Variants in CORIN observed in about 807,000 individuals in gnomAD.
CORIN encodes atrial natriuretic peptide-converting enzyme.
In CORIN, 117 loss-of-function variants were observed where a neutral mutation model predicts 125.3. The ratio of observed to expected loss-of-function variants is 0.93; its 90% CI spans 0.80 to 1.09. The LOEUF is 1.09. CORIN is among the 50% of genes least tolerant of loss of function. CORIN has a pLI of 0.00. For synonymous variants in CORIN, 450 were observed against 466.4 expected, an observed-to-expected ratio of 0.96 and a Z score of 0.45; for missense variants, 1,253 against 1,306.7, an observed-to-expected ratio of 0.96 and a Z score of 0.63.
At chr4:47,750,150 T>C (rs1728835841) in intron 4 of CORIN, among the ~76,000 whole-genome samples, 1 of 152,196 alleles carries the variant, frequency 6.6e-6, no homozygotes, top group Non-Finnish European at 1.5e-5. Flanking sequence ...GCGAACAGCA[T>C]TGGTTTCCTA....
chr4:47,679,763 C>CA (rs1182105491), intron 8 of CORIN: 3 of 167,274 alleles, frequency 1.8e-5, no homozygotes, highest in African/African-American at 4.8e-5. Flanking sequence ...GGCACTCCTG[C>CA]AGGGAAGCTT....
chr4:47,733,259 G>C (rs1244540433), intron 5 of CORIN, among the ~76,000 whole-genome samples: 1 of 152,210 alleles, frequency 6.6e-6, no homozygotes, highest in Non-Finnish European at 1.5e-5. Flanking sequence ...TAAAGGGCTT[G>C]AGAGACATGC....
chr4:47,761,291 T>C (rs2109866876), intron 4 of CORIN, among the ~76,000 whole-genome samples: 1 of 152,330 alleles, frequency 6.6e-6, no homozygotes, highest in Middle Eastern at 3.4e-3. Context: ...AAGTGAGAGA[T>C]ATGCCACTCT....
At chr4:47,818,221 A>G (rs1732357506) in intron 1 of CORIN, among the ~76,000 whole-genome samples, 1 of 152,196 alleles carries the variant, frequency 6.6e-6, no homozygotes, top group Non-Finnish European at 1.5e-5. Context: ...AGGAAGACAT[A>G]AGTTTCCTTA....
At chr4:47,818,989 T>C (rs905830439) in intron 1 of CORIN, among the ~76,000 whole-genome samples, 3 of 152,162 alleles carry the variant, frequency 2.0e-5, no homozygotes, top group African/African-American at 7.2e-5. Flanking sequence ...CCAATAATTC[T>C]TACGTATCAA....
intron 19 of CORIN, among the ~76,000 whole-genome samples, chr4:47,609,199 C>T (rs1415781031): frequency 6.6e-6 from 1 of 152,022 alleles, no homozygotes. Context: ...GAATCTCTTA[C>T]TTTTAATATT....
At chr4:47,611,629 T>G (rs1161829949) in intron 19 of CORIN, among the ~76,000 whole-genome samples, 1 of 152,202 alleles carries the variant, frequency 6.6e-6, no homozygotes, top group Admixed American at 6.5e-5. Context: ...TCCAATATTG[T>G]GTTGAATAGG....
Position 47,623,641 on chromosome 4 carries a change from T to G in CORIN, c.2470A>C (p.Ser824Arg). 1 of 1,614,198 alleles carries G rather than the reference T, an allele frequency of 6.2e-7. No individual in the cohort carries two copies. Among genetic ancestry groups the G allele is most frequent in the Non-Finnish European group, 8.5e-7 (1 of 1,180,030 alleles). Residue 824 changes from serine to arginine, a missense_variant, in exon 19 of 22, where the codon AGT becomes CGT. Ser to Arg is a moderately radical substitution (Grantham distance 110). Coordinates refer to ENST00000273857, the MANE Select transcript of CORIN (RefSeq NM_006587.4). ...PWQCSLQSEPSGHICGCVLIA... is the reference protein window; with the variant it reads ...PWQCSLQSEPRGHICGCVLIA... The stretch of plus-strand genomic sequence containing the variant: ...AGGACACAGCCACAGATATGTCCAC[T>G]GGGTTCACTCTGCAGAGAACACTGC...
rs184972122 is a variant in CORIN at position 47,594,453 on chromosome 4, G to T, written c.*1268C>A. ...AAGATTTGTGTTTTAAAGTTTTTTA[G>T]TGGGGAAAAATACTTTTTACCACTA... is the stretch of plus-strand genomic sequence containing the variant. On this transcript the variant is annotated 3_prime_UTR_variant, in exon 22 of 22. Transcript: ENST00000273857. The T allele has an allele frequency of 6.6e-6, 1 of 152,518 alleles. No individual in the cohort carries two copies. Among genetic ancestry groups the T allele is most frequent in the Non-Finnish European group, 1.5e-5 (1 of 67,998 alleles). The allele number at this position is 152,518 out of a possible 1,614,324, so 9.4% of individuals were successfully genotyped here. A position where few individuals can be genotyped will look rare whatever the true frequency, so the allele number is the denominator to read the frequency against.
rs2109711494 is a variant in CORIN, at chr4:47,680,089, A to G, written c.1132+52T>C. The G allele has an allele frequency of 1.0e-5, 12 of 1,199,780 alleles. 1 individual carries two copies. In the South Asian group the frequency reaches 1.2e-4, roughly 12 times the overall value. The allele number at this position is 1,199,780 out of a possible 1,614,324, so 74.3% of individuals were successfully genotyped here. ...CAGTCCTCAACCTTGAGTACAGCCT[A>G]AAGAACCAGAAATGGAAAAATAAGC... On this transcript the variant is annotated intron_variant, in intron 8 of 21. Coordinates refer to ENST00000273857, the MANE Select transcript of CORIN (RefSeq NM_006587.4).
Position 47,645,179 on chromosome 4 carries a change from T to A in CORIN, c.1859A>T (p.Asp620Val). 6.2e-7 allele frequency: 1 copy of A among 1,600,446 alleles called. No homozygotes were observed. Among genetic ancestry groups the A allele is most frequent in the East Asian group, 2.2e-5 (1 of 44,762 alleles). Residue 620 changes from aspartate to valine, a missense_variant, in exon 14 of 22, where the codon GAT becomes GTT. Physicochemically the swap from Asp to Val is radical, Grantham distance 152 (BLOSUM62 -3). Transcript: ENST00000273857. ...DEENCGCKER[D>V]LWECPSNKQC... ...TTTATTGGATGGACATTCCCAAAGATCTCTCTCTTTACAACCTAGAGACAG... is the reference window on the plus strand; with the variant it reads ...TTTATTGGATGGACATTCCCAAAGAACTCTCTCTTTACAACCTAGAGACAG...
chr4:47,758,473 A>C (rs1729294548), intron 4 of CORIN, among the ~76,000 whole-genome samples: 1 of 152,218 alleles, frequency 6.6e-6, no homozygotes. Flanking sequence ...AAACAGAAAA[A>C]ATAATCCCCA....
intron 6 of CORIN, among the ~76,000 whole-genome samples, chr4:47,689,886 G>A (rs976708248): frequency 1.3e-5 from 2 of 152,168 alleles, no homozygotes; most frequent in African/African-American, 4.8e-5. Context: ...AGGCCAGCAT[G>A]CAGCCATCCA....
At position 47,623,096 on chromosome 4, in the gene CORIN, C is replaced by CTCTCTCTATATATA. The variant is rs771867590; in HGVS notation, c.2540+474_2540+475insTATATATAGAGAGA. Reference sequence around the variant, plus strand: ...TCTCTCTCTCTCTCTCTCTCTCTCTCTATATATATATATATATATATACAC... The same window carrying CTCTCTCTATATATA: ...TCTCTCTCTCTCTCTCTCTCTCTCTCTCTCTCTATATATATATATATATATATATATATATACAC... On this transcript the variant is annotated intron_variant, in intron 19 of 21. Coordinates refer to ENST00000273857, the MANE Select transcript of CORIN (RefSeq NM_006587.4). 2.9e-3 allele frequency among the ~76,000 whole-genome samples: 295 copies of CTCTCTCTATATATA among 102,242 alleles called. 4 individuals are homozygous for CTCTCTCTATATATA. The highest frequency in any genetic ancestry group is 0.01 in the Middle Eastern group (2 of 194). The allele number at this position is 102,242 out of a possible 152,430, so 67.1% of individuals were successfully genotyped here.
intron 17 of CORIN, among the ~76,000 whole-genome samples, chr4:47,625,981 A>G (rs1722541624): frequency 6.6e-6 from 1 of 152,204 alleles, no homozygotes; most frequent in Non-Finnish European, 1.5e-5. Context: ...GTGTACTTTC[A>G]AGGCAACTTG....
chr4:47,623,715 T>C lies in CORIN; in HGVS notation c.2396A>G (p.Asn799Ser), dbSNP rs775227959. 6.2e-7 allele frequency: 1 copy of C among 1,614,218 alleles called. No individual in the cohort carries two copies. The highest frequency in any genetic ancestry group is 8.5e-7 in the Non-Finnish European group (1 of 1,180,022). ...DCGRRPAARMNKRILGGRTSR... is the reference protein window; with the variant it reads ...DCGRRPAARMSKRILGGRTSR... ...CGTCCGACCTCCAAGGATCCTTTTGTTCATTCGGGCAGCAGGGCGGCGCCC... is the reference window on the plus strand; with the variant it reads ...CGTCCGACCTCCAAGGATCCTTTTGCTCATTCGGGCAGCAGGGCGGCGCCC... Residue 799 changes from asparagine (N) to serine (S), a missense_variant, in exon 19 of 22, where the codon AAC (asparagine) becomes AGC (serine). Asn to Ser is a conservative substitution (Grantham distance 46, BLOSUM62 1). Coordinates refer to ENST00000273857, the MANE Select transcript of CORIN (RefSeq NM_006587.4).
At chr4:47,629,219 T>C (rs1722708581) in intron 16 of CORIN, among the ~76,000 whole-genome samples, 1 of 152,306 alleles carries the variant, frequency 6.6e-6, no homozygotes, top group African/African-American at 2.4e-5. Context: ...TTTTCTCTTT[T>C]TGATGATAAC....
At chr4:47,646,042 T>G (rs1357943649) in intron 13 of CORIN, among the ~76,000 whole-genome samples, 1 of 34,074 alleles carries the variant, frequency 2.9e-5, no homozygotes, top group Non-Finnish European at 5.3e-5. Flanking sequence ...TCCACCTGTC[T>G]CAAAAAAAAA....
intron 4 of CORIN, among the ~76,000 whole-genome samples, chr4:47,758,610 C>T (rs1053337016): frequency 9.2e-5 from 14 of 152,052 alleles, no homozygotes; most frequent in African/African-American, 3.4e-4. Context: ...TAGCTGTGTC[C>T]CCACCCAAAT....
Sources: allele counts gnomAD v4.1 joint callset (sites outside exome capture counted in the v4.1 genomes callset), GRCh38; gene constraint gnomAD v4.1.1; transcripts MANE v1.5; gene names NCBI Gene and HGNC (gene_info 2026-07-23, HGNC 2026-07-21).